JAK1: variants seen among roughly 807,000 people sequenced by gnomAD.
The protein encoded by JAK1 is Janus kinase 1.
In JAK1, 16 loss-of-function variants were observed where a neutral mutation model predicts 136.6. The ratio of observed to expected loss-of-function variants is 0.12; its 90% CI spans 0.08 to 0.18. The LOEUF (loss-of-function observed/expected upper bound fraction) is 0.18. JAK1 is among the 10% of genes least tolerant of loss of function. The probability of loss-of-function intolerance (pLI) is 1.00; values close to 1 mark genes in which losing one functional copy is unlikely to be tolerated. For missense variants in JAK1, 859 were observed against 1,450.1 expected, an observed-to-expected ratio of 0.59 and a Z score of 6.62; for synonymous variants, 492 against 519.5, an observed-to-expected ratio of 0.95 and a Z score of 0.72.
At chr1:64,923,227 T>C (rs1469473103) in intron 1 of JAK1, among the ~76,000 whole-genome samples, 2 of 152,214 alleles carry the variant, frequency 1.3e-5, no homozygotes, top group Admixed American at 1.3e-4. Context: ...TTAAATATTG[T>C]ATTGTGTTTC....
At chr1:64,943,031 T>C (rs750092230) in intron 1 of JAK1, among the ~76,000 whole-genome samples, 1 of 152,220 alleles carries the variant, frequency 6.6e-6, no homozygotes, top group Non-Finnish European at 1.5e-5. Context: ...ATTTTTATTA[T>C]TTACAATTAG....
chr1:64,882,100 C>T (rs1308975884), intron 3 of JAK1, among the ~76,000 whole-genome samples: 5 of 152,140 alleles, frequency 3.3e-5, no homozygotes, highest in Non-Finnish European at 7.4e-5. Flanking sequence ...CACTAATAAT[C>T]TATACACCTC....
intron 2 of JAK1, among the ~76,000 whole-genome samples, chr1:65,026,808 A>T (rs1210268707): frequency 6.6e-6 from 1 of 151,872 alleles, no homozygotes; most frequent in African/African-American, 2.4e-5. Flanking sequence ...TCTACTAAAA[A>T]ATACAAAAAT....
In JAK1 at chr1:64,844,237, G is replaced by A. The variant is rs1053252629; in HGVS notation, c.2252-22C>T. On this transcript the variant is annotated intron_variant, in intron 16 of 24. Coordinates refer to ENST00000342505, the MANE Select transcript of JAK1 (RefSeq NM_002227.4). This position sits in a 1 kb window ranked among gnomAD's most constrained non-coding sequence, Gnocchi z 5.7. Reference sequence around the variant, plus strand: ...CATTCTGGAAGACAACAGACACACTGATGGAGCAGTTTCTGGGATCTCCTA... The same window carrying A: ...CATTCTGGAAGACAACAGACACACTAATGGAGCAGTTTCTGGGATCTCCTA... 6.8e-6 allele frequency: 11 copies of A among 1,613,870 alleles called. No homozygotes were observed. The highest frequency in any genetic ancestry group is 1.6e-4 in the Middle Eastern group (1 of 6,082).
At chr1:64,996,399 A>G (rs1471848776) in intron 2 of JAK1, among the ~76,000 whole-genome samples, 1 of 152,234 alleles carries the variant, frequency 6.6e-6, no homozygotes, top group African/African-American at 2.4e-5. Flanking sequence ...AGCAGAAACT[A>G]TGTCCTATAT....
intron 1 of JAK1, among the ~76,000 whole-genome samples, chr1:64,959,539 A>G (rs941746162): frequency 6.6e-6 from 1 of 152,230 alleles, no homozygotes; most frequent in African/African-American, 2.4e-5. Flanking sequence ...GCCTCTGCCA[A>G]TAGCCCACAA....
chr1:65,021,556 A>T (rs533736807), intron 2 of JAK1, among the ~76,000 whole-genome samples: 1 of 152,192 alleles, frequency 6.6e-6, no homozygotes, highest in East Asian at 1.9e-4. Context: ...TCTTGTCTTT[A>T]TTGGGTGGCT....
chr1:65,052,435 T>C (rs1028098248), intron 1 of JAK1, among the ~76,000 whole-genome samples: 4 of 152,020 alleles, frequency 2.6e-5, no homozygotes, highest in Non-Finnish European at 5.9e-5. Flanking sequence ...CCCAGCACTT[T>C]GGGAGGCCGA....
chr1:64,925,494 G>A (rs187922213), intron 1 of JAK1, among the ~76,000 whole-genome samples: 2 of 152,226 alleles, frequency 1.3e-5, no homozygotes, highest in East Asian at 1.9e-4. Context: ...TATACATCAT[G>A]GCCTGATGTC....
chr1:65,049,382 C>T (rs1647225229), intron 1 of JAK1, among the ~76,000 whole-genome samples: 2 of 152,008 alleles, frequency 1.3e-5, no homozygotes, highest in South Asian at 4.1e-4. Context: ...TGATCGTGGC[C>T]CTGCACTCCA....
chr1:64,934,617 T>C (rs928830366), intron 1 of JAK1, among the ~76,000 whole-genome samples: 1 of 152,210 alleles, frequency 6.6e-6, no homozygotes, highest in Non-Finnish European at 1.5e-5. Context: ...TCTGCCTGCA[T>C]TCTTTGAAAA....
At chr1:65,060,152 G>A (rs956020276) in intron 1 of JAK1, among the ~76,000 whole-genome samples, 3 of 151,908 alleles carry the variant, frequency 2.0e-5, no homozygotes, top group African/African-American at 7.3e-5. Flanking sequence ...AAAAATCACA[G>A]TTGGATCCCA....
intron 2 of JAK1, among the ~76,000 whole-genome samples, chr1:64,995,996 G>C (rs2100735816): frequency 6.6e-6 from 1 of 152,198 alleles, no homozygotes; most frequent in Non-Finnish European, 1.5e-5. Context: ...ACCCATTTCG[G>C]CCATTGAAAG....
intron 1 of JAK1, among the ~76,000 whole-genome samples, chr1:64,896,680 AC>A (rs1356188334): frequency 1.3e-5 from 2 of 152,216 alleles, no homozygotes; most frequent in Non-Finnish European, 2.9e-5. Flanking sequence ...AGAATTAGCA[AC>A]CCAAGCACAT....
intron 8 of JAK1, among the ~76,000 whole-genome samples, chr1:64,861,296 C>T (rs1202597724): frequency 6.6e-6 from 1 of 152,014 alleles, no homozygotes; most frequent in African/African-American, 2.4e-5. Context: ...CTAGATTAAG[C>T]CTAGGGAGCT....
intron 1 of JAK1, among the ~76,000 whole-genome samples, chr1:64,892,610 T>A (rs1644956146): frequency 6.6e-6 from 1 of 152,188 alleles, no homozygotes; most frequent in Non-Finnish European, 1.5e-5. Flanking sequence ...TAATCATTTA[T>A]CCCAAAAATA....
chr1:64,967,217 GTC>G (rs1646401187), upstream of JAK1, among the ~76,000 whole-genome samples: 2 of 152,084 alleles, frequency 1.3e-5, no homozygotes, highest in African/African-American at 4.8e-5. Context: ...CTTAATCAAG[GTC>G]ACACTGTAGC....
At chr1:64,967,976 T>A (rs527832465), upstream of JAK1, among the ~76,000 whole-genome samples, 4 of 152,178 alleles carry the variant, frequency 2.6e-5, no homozygotes, top group Non-Finnish European at 5.9e-5. Flanking sequence ...GGATAATGCC[T>A]TCCTTAAAGG....
At chr1:65,030,665 T>A (rs1647015036) in intron 2 of JAK1, among the ~76,000 whole-genome samples, 1 of 152,096 alleles carries the variant, frequency 6.6e-6, no homozygotes. Context: ...CCCAACTAGC[T>A]GGGATTACAG....
Sources: allele counts gnomAD v4.1 joint callset (sites outside exome capture counted in the v4.1 genomes callset), GRCh38; gene constraint gnomAD v4.1.1; non-coding constraint Gnocchi (gnomAD v3.1); transcripts MANE v1.5; gene names NCBI Gene and HGNC (gene_info 2026-07-23, HGNC 2026-07-21).